PAK5: variants seen among roughly 807,000 people sequenced by gnomAD.
PAK5 encodes the protein p21 (RAC1) activated kinase 5.
In PAK5, 16 loss-of-function variants were observed where a neutral mutation model predicts 65.9. That is an observed-to-expected ratio of 0.24 (90% CI 0.16 to 0.37). The LOEUF (loss-of-function observed/expected upper bound fraction) is 0.37, where lower values mean the gene tolerates loss of function less well. PAK5 is among the 10% of genes least tolerant of loss of function. PAK5 has a pLI of 1.00. For missense variants in PAK5, 785 were observed against 903.9 expected (o/e 0.87, Z 1.69); for synonymous variants, 371 against 354.9 (o/e 1.05, Z -0.51).
intron 3 of PAK5, among the ~76,000 whole-genome samples, chr20:9,581,330 T>C (rs1414689550): frequency 6.6e-6 from 1 of 152,190 alleles, no homozygotes; most frequent in Non-Finnish European, 1.5e-5. Flanking sequence ...TGTTTGGTAA[T>C]AAAAAATAAT....
Position 9,812,299 on chromosome 20 carries a change from C to T in PAK5, c.-162+26463G>A, listed in dbSNP as rs113568530. ...CATAAGCTCAATAACAAAAAAAAAA[C>T]GATGTTTAAAATCAACACAAAATTT... On this transcript the variant is annotated intron_variant, in intron 1 of 9. Coordinates refer to ENST00000353224, the MANE Select transcript of PAK5 (RefSeq NM_177990.4). 1.0e-3 allele frequency among the ~76,000 whole-genome samples: 157 copies of T among 150,006 alleles called. 2 individuals are homozygous for T. Among genetic ancestry groups the T allele is most frequent in the African/African-American group, 3.6e-3 (149 of 40,996 alleles).
intron 1 of PAK5, among the ~76,000 whole-genome samples, chr20:9,732,247 C>T (rs1202026743): frequency 6.6e-6 from 1 of 152,126 alleles, no homozygotes; most frequent in East Asian, 1.9e-4. Flanking sequence ...ATATTTCAAG[C>T]ATTAAGGCTG....
chr20:9,705,710 T>C (rs1293491106), intron 2 of PAK5, among the ~76,000 whole-genome samples: 1 of 152,124 alleles, frequency 6.6e-6, no homozygotes, highest in African/African-American at 2.4e-5. Flanking sequence ...GAAACACTCT[T>C]GCACAGGCAC....
intron 1 of PAK5, among the ~76,000 whole-genome samples, chr20:9,753,358 G>C (rs775055313): frequency 1.3e-5 from 2 of 152,026 alleles, no homozygotes; most frequent in Non-Finnish European, 2.9e-5. Flanking sequence ...ATCAAAAAAG[G>C]CCATGCTACT....
At chr20:9,794,702 C>T (rs948798573) in intron 1 of PAK5, among the ~76,000 whole-genome samples, 1 of 152,010 alleles carries the variant, frequency 6.6e-6, no homozygotes, top group Non-Finnish European at 1.5e-5. Flanking sequence ...AAAACATAGG[C>T]ACATTGAGTT....
intron 3 of PAK5, among the ~76,000 whole-genome samples, chr20:9,620,508 G>A (rs572782363): frequency 6.6e-4 from 101 of 152,336 alleles, no homozygotes; most frequent in Middle Eastern, 3.4e-3. Context: ...AGGCTTGGGT[G>A]CTGAGGACAT....
intron 1 of PAK5, among the ~76,000 whole-genome samples, chr20:9,835,917 GT>G (rs1569107120): frequency 1.3e-5 from 2 of 152,020 alleles, no homozygotes; most frequent in African/African-American, 2.4e-5. Flanking sequence ...ATGCATTTTG[GT>G]TTTTTTGCAT....
At chr20:9,821,079 C>T (rs1254499941) in intron 1 of PAK5, among the ~76,000 whole-genome samples, 1 of 152,148 alleles carries the variant, frequency 6.6e-6, no homozygotes, top group Non-Finnish European at 1.5e-5. Context: ...AAACAGGTTT[C>T]CTGTCCATAC....
intron 4 of PAK5, among the ~76,000 whole-genome samples, chr20:9,575,275 A>G (rs895464908): frequency 1.3e-5 from 2 of 152,106 alleles, no homozygotes; most frequent in African/African-American, 4.8e-5. Context: ...ACTCACTGCA[A>G]CCTTGAACTC....
intron 1 of PAK5, among the ~76,000 whole-genome samples, chr20:9,768,556 G>A (rs1298655801): frequency 6.6e-6 from 1 of 152,136 alleles, no homozygotes; most frequent in Non-Finnish European, 1.5e-5. Context: ...GCCAAGGTGG[G>A]TGGATCACTT....
intron 2 of PAK5, among the ~76,000 whole-genome samples, chr20:9,666,694 C>CA (rs1445295073): frequency 6.6e-6 from 1 of 152,002 alleles, no homozygotes. Context: ...CAAAACAAAA[C>CA]AAAAAAACAA....
At chr20:9,730,748 T>G (rs1472692356) in intron 1 of PAK5, among the ~76,000 whole-genome samples, 2 of 152,230 alleles carry the variant, frequency 1.3e-5, no homozygotes. Context: ...CCCAAGCAAG[T>G]GATTTTCTGT....
chr20:9,827,059 T>C (rs1978336183), intron 1 of PAK5, among the ~76,000 whole-genome samples: 2 of 152,266 alleles, frequency 1.3e-5, no homozygotes, highest in East Asian at 3.9e-4. Context: ...TTTTTCTTTC[T>C]CCAACCAGAA....
At chr20:9,801,275 G>A (rs1282327332) in intron 1 of PAK5, among the ~76,000 whole-genome samples, 1 of 151,936 alleles carries the variant, frequency 6.6e-6, no homozygotes, top group African/African-American at 2.4e-5. Context: ...AGCCATGGGG[G>A]AAAATATTAG....
At chr20:9,674,181 C>T (rs6056796) in intron 2 of PAK5, among the ~76,000 whole-genome samples, 7,307 of 152,242 alleles carry the variant, frequency 0.048, 561 homozygotes, top group African/African-American at 0.17. Flanking sequence ...GGGAGTAAGA[C>T]TGAGTTTCCA....
At chr20:9,644,010 G>C (rs2047101024) in intron 3 of PAK5, 115 bp downstream of exon 3, 2 of 737,278 alleles carry the variant, frequency 2.7e-6, no homozygotes, top group Non-Finnish European at 4.7e-6. Context: ...AATAATCTGT[G>C]AATGTTAAAA....
chr20:9,580,838 G>C lies in PAK5; in HGVS notation c.297C>G (p.Ser99=). 6.2e-7 allele frequency: 1 copy of C among 1,613,520 alleles called. No individual in the cohort carries two copies. The highest frequency in any genetic ancestry group is 8.5e-7 in the Non-Finnish European group (1 of 1,179,814). ...FDNISVTRSN[S]LRKESPPTPD... Reference sequence around the variant, plus strand: ...GGGTGGGTGGGCTTTCTTTCCTTAGGGAGTTGGAGCGAGTCACCGAGATGT... The same window carrying C: ...GGGTGGGTGGGCTTTCTTTCCTTAGCGAGTTGGAGCGAGTCACCGAGATGT... Residue 99 remains serine (S), a synonymous_variant, in exon 4 of 10, where the codon TCC becomes TCG. Transcript: ENST00000353224.
intron 1 of PAK5, among the ~76,000 whole-genome samples, chr20:9,792,263 A>G (rs2049057831): frequency 6.6e-6 from 1 of 152,194 alleles, no homozygotes; most frequent in South Asian, 2.1e-4. Context: ...ACCATCTCTC[A>G]CTAAAGAAAA....
chr20:9,817,748 C>A (rs2049374345), intron 1 of PAK5, among the ~76,000 whole-genome samples: 1 of 152,124 alleles, frequency 6.6e-6, no homozygotes, highest in African/African-American at 2.4e-5. Flanking sequence ...ACAGGGTCTA[C>A]AATCCATGCT....
Sources: allele counts gnomAD v4.1 joint callset (sites outside exome capture counted in the v4.1 genomes callset), GRCh38; gene constraint gnomAD v4.1.1; transcripts MANE v1.5; gene names NCBI Gene and HGNC (gene_info 2026-07-23, HGNC 2026-07-21).